CTNNA3: variants seen among roughly 807,000 people sequenced by gnomAD.
CTNNA3 encodes the protein catenin alpha 3, also known as catenin alpha-3.
A neutral mutation model predicts 95.7 loss-of-function variants in CTNNA3; 76 were observed. The observed-to-expected ratio is 0.79, with a 90% CI of 0.66 to 0.96. The LOEUF is 0.96. Among genes scored for constraint, CTNNA3 ranks in the 40% least tolerant of loss-of-function variants. The pLI is 0.00. For missense variants in CTNNA3, 1,191 were observed against 1,089.8 expected (o/e 1.09, Z -1.31); for synonymous variants, 431 against 374.4 (o/e 1.15, Z -1.74).
chr10:67,489,900 G>T (rs1848588954), intron 5 of CTNNA3, among the ~76,000 whole-genome samples: 1 of 151,534 alleles, frequency 6.6e-6, no homozygotes. Flanking sequence ...ACTAGATAAA[G>T]TTGCTTTGGG....
chr10:65,992,110 C>T (rs1403707718), intron 15 of CTNNA3, among the ~76,000 whole-genome samples: 1 of 151,944 alleles, frequency 6.6e-6, no homozygotes, highest in Admixed American at 6.6e-5. Flanking sequence ...ACTTGATTAA[C>T]ATGTGTTATC....
intron 5 of CTNNA3, among the ~76,000 whole-genome samples, chr10:67,516,525 T>C (rs1839819257): frequency 6.6e-6 from 1 of 152,230 alleles, no homozygotes. Context: ...GTATTTTCTA[T>C]GTGGTCAGTC....
intron 12 of CTNNA3, among the ~76,000 whole-genome samples, chr10:66,288,418 A>T (rs1414312438): frequency 1.3e-5 from 2 of 152,060 alleles, no homozygotes; most frequent in Non-Finnish European, 2.9e-5. Flanking sequence ...ACCTAACACC[A>T]AATGCAAATA....
intron 9 of CTNNA3, among the ~76,000 whole-genome samples, chr10:66,704,405 T>G (rs1848052958): frequency 6.6e-6 from 1 of 152,170 alleles, no homozygotes; most frequent in Non-Finnish European, 1.5e-5. Flanking sequence ...GTTTTTAATA[T>G]TTTTAATAAT....
At chr10:67,502,426 C>A (rs1564697410) in intron 5 of CTNNA3, among the ~76,000 whole-genome samples, 1 of 152,178 alleles carries the variant, frequency 6.6e-6, no homozygotes. Flanking sequence ...GGAAGTGTCT[C>A]CCAGTCAGGA....
At chr10:65,936,417 T>C (rs559182506) in intron 17 of CTNNA3, among the ~76,000 whole-genome samples, 3 of 152,204 alleles carry the variant, frequency 2.0e-5, no homozygotes, top group African/African-American at 7.2e-5. Context: ...AGAAGTAGAC[T>C]CTTGATGGCA....
At chr10:67,686,749 G>A (rs1309591157) in intron 1 of CTNNA3, among the ~76,000 whole-genome samples, 3 of 152,094 alleles carry the variant, frequency 2.0e-5, no homozygotes, top group East Asian at 3.9e-4. Context: ...TGATTGTGGG[G>A]TTGTCCCATG....
chr10:66,148,489 A>G (rs2084014619), intron 13 of CTNNA3, among the ~76,000 whole-genome samples: 1 of 152,012 alleles, frequency 6.6e-6, no homozygotes, highest in Admixed American at 6.6e-5. Flanking sequence ...GCCCTCGAGG[A>G]TGGGATTAGT....
At chr10:66,042,907 A>AAAAAAAAAAAAAAAAAAAAAAAG (rs2079730070) in intron 15 of CTNNA3, among the ~76,000 whole-genome samples, 2 of 62,352 alleles carry the variant, frequency 3.2e-5, no homozygotes, top group Non-Finnish European at 7.0e-5. Flanking sequence ...CTCAAAAAAA[A>AAAAAAAAAAAAAAAAAAAAAAAG]AAAAAAAAAA....
At position 67,270,770 on chromosome 10, in the gene CTNNA3, AATCTACC is replaced by A. The variant is rs573307598; in HGVS notation, c.580-50907_580-50901del. Among the ~76,000 whole-genome samples the A allele has an allele frequency of 1.1e-4, 17 of 152,302 alleles. No individual in the cohort carries two copies. The East Asian group carries it at 3.3e-3, about 29-fold the overall frequency. On this transcript the variant is annotated intron_variant, in intron 5 of 17. Coordinates refer to ENST00000433211, the MANE Select transcript of CTNNA3 (RefSeq NM_013266.4). ...TGGCTAATGGCTAATTTTGCTCACA[AATCTACC>A]ATTGTTTTGAGTTTTTATATGTGAC...
At chr10:66,711,722 G>A (rs1279137064) in intron 9 of CTNNA3, among the ~76,000 whole-genome samples, 1 of 151,668 alleles carries the variant, frequency 6.6e-6, no homozygotes, top group Non-Finnish European at 1.5e-5. Context: ...CTAATTTTTT[G>A]TAAATTTTAG....
intron 4 of CTNNA3, among the ~76,000 whole-genome samples, chr10:67,524,395 CAAAAAAA>C (rs200850487): frequency 0.033 from 2,348 of 70,244 alleles, 84 homozygotes; most frequent in African/African-American, 0.11. Context: ...GACTCTGTCT[CAAAAAAA>C]AAAAAAAAAA....
chr10:67,703,104 TA>T (rs1292038264), intron 1 of CTNNA3, among the ~76,000 whole-genome samples: 1 of 152,122 alleles, frequency 6.6e-6, no homozygotes, highest in African/African-American at 2.4e-5. Flanking sequence ...AATAGACCAA[TA>T]ACAGGCTCTG....
At chr10:66,454,061 G>GAGA (rs58696083) in intron 11 of CTNNA3, among the ~76,000 whole-genome samples, 59,034 of 151,654 alleles carry the variant, frequency 0.39, 12,164 homozygotes, top group African/African-American at 0.53. Flanking sequence ...GATGAGTTGT[G>GAGA]AGAACTCAAC....
chr10:66,053,228 A>C (rs1040097938), intron 15 of CTNNA3, among the ~76,000 whole-genome samples: 3 of 151,994 alleles, frequency 2.0e-5, no homozygotes, highest in Non-Finnish European at 4.4e-5. Flanking sequence ...TTTAAATATC[A>C]GATTAATTCA....
At chr10:66,356,117 G>GTTTTTTTTTTTTT (rs1275052192) in intron 12 of CTNNA3, among the ~76,000 whole-genome samples, 2 of 104,742 alleles carry the variant, frequency 1.9e-5, no homozygotes, top group African/African-American at 7.8e-5. Context: ...TTGTTTGCTT[G>GTTTTTTTTTTTTT]TTTTGTTTTT....
chr10:67,142,472 A>G (rs1251875994), intron 7 of CTNNA3, among the ~76,000 whole-genome samples: 1 of 152,190 alleles, frequency 6.6e-6, no homozygotes, highest in African/African-American at 2.4e-5. Context: ...GAGATACTGC[A>G]GGTTTCGTAT....
chr10:67,458,715 C>A (rs529247969), intron 5 of CTNNA3, among the ~76,000 whole-genome samples: 2 of 152,016 alleles, frequency 1.3e-5, no homozygotes, highest in Non-Finnish European at 2.9e-5. Context: ...CCCATCTCTA[C>A]TAAAAATACA....
At chr10:67,753,817 G>C (rs1245195414) in intron 1 of CTNNA3, among the ~76,000 whole-genome samples, 1 of 152,296 alleles carries the variant, frequency 6.6e-6, no homozygotes, top group South Asian at 2.1e-4. Context: ...AGAAACAACA[G>C]ATGCTGGCAA....
Sources: allele counts gnomAD v4.1 joint callset (sites outside exome capture counted in the v4.1 genomes callset), GRCh38; gene constraint gnomAD v4.1.1; transcripts MANE v1.5; gene names NCBI Gene and HGNC (gene_info 2026-07-23, HGNC 2026-07-21).